Variants in CHRDL1 observed in about 807,000 individuals in gnomAD.
CHRDL1 encodes the protein chordin-like protein 1.
Under a neutral mutation model 40.9 loss-of-function variants are expected in CHRDL1, and 19 were observed. That is an observed-to-expected ratio of 0.46 (90% CI 0.32 to 0.68). The LOEUF is 0.68. CHRDL1 is among the 30% of genes least tolerant of loss of function. CHRDL1 has a pLI of 0.03. For synonymous variants in CHRDL1, 136 were observed against 123.4 expected, an observed-to-expected ratio of 1.10 and a Z score of -0.68; for missense variants, 329 against 352.1, an observed-to-expected ratio of 0.93 and a Z score of 0.53.
chrX:110,756,732 T>C (rs1231475952), intron 4 of CHRDL1, among the ~76,000 whole-genome samples: 3 of 110,944 alleles, frequency 2.7e-5, no homozygotes, highest in Non-Finnish European at 5.7e-5. Context: ...AAAACACCCA[T>C]GGATAATGAG....
rs376913008 is a variant in CHRDL1, at chrX:110,693,339, ACT to A, written c.778+822_778+823del. 4.5e-3 allele frequency among the ~76,000 whole-genome samples: 493 copies of A among 110,232 alleles called. 1 individual carries two copies. The highest frequency in any genetic ancestry group is 0.015 in the African/African-American group (468 of 30,258). ...TGGTTTTGGGATTTCTCACTGGATT[ACT>A]CTTTTTCCTTTTTAAAATTTTTAAT... On this transcript the variant is annotated intron_variant, in intron 8 of 11. Transcript: ENST00000372042.
chrX:110,718,701 C>G lies in CHRDL1; in HGVS notation c.541+1134G>C, dbSNP rs911683326. Reference sequence around the variant, plus strand: ...CTTAAATGTCACCTTCTCAGAGAGGCCTTCCTGACAACTCAACCTAAATAA... The same window carrying G: ...CTTAAATGTCACCTTCTCAGAGAGGGCTTCCTGACAACTCAACCTAAATAA... On this transcript the variant is annotated intron_variant, in intron 6 of 11. Coordinates refer to ENST00000372042, the MANE Select transcript of CHRDL1 (RefSeq NM_001143981.2). Among the ~76,000 whole-genome samples the G allele has an allele frequency of 4.5e-5, 5 of 112,347 alleles. No individual in the cohort carries two copies. The South Asian group carries it at 1.5e-3, about 33-fold the overall frequency.
intron 7 of CHRDL1, among the ~76,000 whole-genome samples, chrX:110,699,715 TTAACA>T (rs914071396): frequency 1.8e-5 from 2 of 112,291 alleles, no homozygotes; most frequent in African/African-American, 6.5e-5. Flanking sequence ...GTTTTGTTAC[TTAACA>T]TATCTTGGAG....
intron 2 of CHRDL1, among the ~76,000 whole-genome samples, chrX:110,781,211 T>A (rs2089936715): frequency 8.9e-6 from 1 of 111,775 alleles, no homozygotes; most frequent in Non-Finnish European, 1.9e-5. Flanking sequence ...ACAATAAATG[T>A]ATAGTCTCAC....
chrX:110,782,984 G>A (rs1427580185), intron 2 of CHRDL1, among the ~76,000 whole-genome samples: 1 of 112,220 alleles, frequency 8.9e-6, no homozygotes, highest in African/African-American at 3.2e-5. Flanking sequence ...GACCCAGACA[G>A]AAACCTACAA....
At chrX:110,685,422 C>A (rs1199776266) in intron 9 of CHRDL1, among the ~76,000 whole-genome samples, 2 of 111,125 alleles carry the variant, frequency 1.8e-5, no homozygotes, top group Non-Finnish European at 3.8e-5. Context: ...GCCACCACAC[C>A]TGGCTAATTT....
chrX:110,755,763 C>T (rs1251338314), intron 4 of CHRDL1, among the ~76,000 whole-genome samples: 2 of 111,492 alleles, frequency 1.8e-5, no homozygotes, highest in East Asian at 2.8e-4. Flanking sequence ...GATGGAAAAC[C>T]AGAGCCCTTT....
At chrX:110,678,103 A>T (rs947531227) in intron 11 of CHRDL1, among the ~76,000 whole-genome samples, 4 of 111,700 alleles carry the variant, frequency 3.6e-5, no homozygotes, top group Admixed American at 9.5e-5. Flanking sequence ...AAAAAATAAA[A>T]AAATAAATAA....
chrX:110,775,069 G>GA (rs1914176784), intron 2 of CHRDL1, among the ~76,000 whole-genome samples: 2 of 111,745 alleles, frequency 1.8e-5, no homozygotes, highest in Non-Finnish European at 3.8e-5. Flanking sequence ...TGACTTTTGT[G>GA]AAAAAACATT....
chrX:110,720,895 A>G (rs2070938316), intron 5 of CHRDL1, among the ~76,000 whole-genome samples: 1 of 111,995 alleles, frequency 8.9e-6, no homozygotes, highest in Non-Finnish European at 1.9e-5. Flanking sequence ...ATCATGACCA[A>G]GCATTTATAG....
chrX:110,738,050 C>T (rs187433126), intron 4 of CHRDL1, among the ~76,000 whole-genome samples: 17 of 111,798 alleles, frequency 1.5e-4, no homozygotes, highest in African/African-American at 2.3e-4. Context: ...AAAGTGTTTG[C>T]GAAGCTCTGG....
At chrX:110,783,599 C>A (rs2089976541) in intron 2 of CHRDL1, among the ~76,000 whole-genome samples, 1 of 112,041 alleles carries the variant, frequency 8.9e-6, no homozygotes, top group African/African-American at 3.2e-5. Flanking sequence ...AGATGCATGA[C>A]TTACTGCTAA....
intron 6 of CHRDL1, among the ~76,000 whole-genome samples, chrX:110,719,632 G>GT (rs77947691): frequency 0.034 from 3,246 of 95,869 alleles, 84 homozygotes; most frequent in African/African-American, 0.094. Flanking sequence ...CCATCCTGTA[G>GT]TTTTTTTTTT....
Position 110,674,880 on chromosome X carries a change from C to G in CHRDL1, c.*1351G>C, listed in dbSNP as rs1451662348. 2 of 112,027 alleles carry G rather than the reference C, an allele frequency of 1.8e-5. No homozygotes were observed. Among genetic ancestry groups the G allele is most frequent in the African/African-American group, 6.5e-5 (2 of 30,802 alleles). 9.2% of individuals were successfully genotyped at this position (112,027 alleles called of 1,213,427 possible). Reference sequence around the variant, plus strand: ...CTTCCCACAAAGATGATTTCTAAAGCCAGACCCCAGAATGGATAGTTTATG... The same window carrying G: ...CTTCCCACAAAGATGATTTCTAAAGGCAGACCCCAGAATGGATAGTTTATG... On this transcript the variant is annotated 3_prime_UTR_variant, in exon 12 of 12. Coordinates refer to ENST00000372042, the MANE Select transcript of CHRDL1 (RefSeq NM_001143981.2).
intron 1 of CHRDL1, among the ~76,000 whole-genome samples, chrX:110,795,085 A>C (rs1348622643): frequency 1.8e-5 from 2 of 112,207 alleles, no homozygotes; most frequent in Non-Finnish European, 3.8e-5. Context: ...TGGCTTGCAA[A>C]ACACCTTTCT....
At chrX:110,690,405 G>A (rs1456932230) in intron 8 of CHRDL1, among the ~76,000 whole-genome samples, 1 of 109,306 alleles carries the variant, frequency 9.1e-6, no homozygotes, top group Non-Finnish European at 1.9e-5. Context: ...TGAAAGCAGA[G>A]TTCTATCTCT....
At chrX:110,689,614 C>CTATATATCTA (rs1556331520) in intron 8 of CHRDL1, among the ~76,000 whole-genome samples, 1 of 5,230 alleles carries the variant, frequency 1.9e-4, no homozygotes, top group Non-Finnish European at 2.9e-4. Flanking sequence ...ATCTATATAT[C>CTATATATCTA]TATATATCTA....
intron 4 of CHRDL1, among the ~76,000 whole-genome samples, chrX:110,738,013 C>T (rs59536597): frequency 0.024 from 2,655 of 111,615 alleles, 80 homozygotes; most frequent in African/African-American, 0.081. Context: ...ACAGGATAGA[C>T]GATATGACAA....
At chrX:110,711,307 T>C (rs193286374) in intron 6 of CHRDL1, among the ~76,000 whole-genome samples, 1 of 111,655 alleles carries the variant, frequency 9.0e-6, no homozygotes, top group African/African-American at 3.3e-5. Context: ...TTTTATTTTA[T>C]TGTGGTAAGG....
Sources: allele counts gnomAD v4.1 joint callset (sites outside exome capture counted in the v4.1 genomes callset), GRCh38; gene constraint gnomAD v4.1.1; transcripts MANE v1.5; gene names NCBI Gene and HGNC (gene_info 2026-07-23, HGNC 2026-07-21).